Variants in FHOD1 observed in about 807,000 individuals in gnomAD.
FHOD1 encodes the protein FH1/FH2 domain-containing protein 1.
In FHOD1, 89 loss-of-function variants were observed where a neutral mutation model predicts 111.6. The observed-to-expected ratio is 0.80, with a 90% confidence interval of 0.67 to 0.95. FHOD1 has a LOEUF of 0.95. Among genes scored for constraint, FHOD1 ranks in the 40% least tolerant of loss-of-function variants. The probability of loss-of-function intolerance (pLI) is 0.00; values close to 1 mark genes in which losing one functional copy is unlikely to be tolerated. For missense variants in FHOD1, 1,446 were observed against 1,554.2 expected, an observed-to-expected ratio of 0.93 and a Z score of 1.17; for synonymous variants, 618 against 639.0, an observed-to-expected ratio of 0.97 and a Z score of 0.50.
rs768827185 is a variant in FHOD1 at position 67,231,165 on chromosome 16, G to C, written c.2667+23C>G. 1 of 1,613,098 alleles carries C rather than the reference G, an allele frequency of 6.2e-7. No individual in the cohort carries two copies. Among genetic ancestry groups the C allele is most frequent in the Non-Finnish European group, 8.5e-7 (1 of 1,179,348 alleles). ...CGCTCCTCATGCCTTGTCCGGCCTT[G>C]GTTGATTCTGGCAGGTGCTAACCTT... is the stretch of plus-strand genomic sequence containing the variant. On this transcript the variant is annotated intron_variant, in intron 17 of 21. Transcript: ENST00000258201. The surrounding 1 kb of genome is among the most constrained non-coding windows in gnomAD (Gnocchi z 4.3).
chr16:67,237,415 G>A lies in FHOD1; in HGVS notation c.850-33C>T, dbSNP rs768892913. On this transcript the variant is annotated intron_variant, in intron 8 of 21. Coordinates refer to ENST00000258201, the MANE Select transcript of FHOD1 (RefSeq NM_013241.3). The surrounding 1 kb of genome is among the most constrained non-coding windows in gnomAD (Gnocchi z 5.6). ...GCGGGGATAAGAAGGCAAGGCTGAG[G>A]TTGGTGGGGAGGTCAGGAGCCTGAG... 6.2e-7 allele frequency: 1 copy of A among 1,613,662 alleles called. No homozygotes were observed. Among genetic ancestry groups the A allele is most frequent in the Non-Finnish European group, 8.5e-7 (1 of 1,179,542 alleles).
chr16:67,236,308 A>G (rs1054642970), intron 11 of FHOD1: 28 of 1,230,564 alleles, frequency 2.3e-5, no homozygotes, highest in Non-Finnish European at 7.5e-6. Flanking sequence ...GGCGGGAGAC[A>G]TGACAAGAGG....
In FHOD1 at chr16:67,247,280, C is replaced by G. The variant is rs761530842; in HGVS notation, c.131G>C (p.Ser44Thr). 1 of 1,612,696 alleles carries G rather than the reference C, an allele frequency of 6.2e-7. No individual in the cohort carries two copies. The highest frequency in any genetic ancestry group is 8.5e-7 in the Non-Finnish European group (1 of 1,179,602). The change falls in exon 1 of 22, where the codon AGC becomes ACC. Residue 44 changes from serine (S) to threonine (T), a missense_variant. Physicochemically the swap from Ser to Thr is moderately conservative, Grantham distance 58. Coordinates refer to ENST00000258201, the MANE Select transcript of FHOD1 (RefSeq NM_013241.3). ...FPEPRRAPTC[S>T]LDGALPLGAQ... is the part of the protein sequence containing the mutation. ...GCCCAAGGGCAGCGCCCCGTCCAGG[C>G]TGCAGGTGGGGGCCCGGCGCGGCTC...
chr16:67,231,850 C>T lies in FHOD1; in HGVS notation c.2203-31G>A. On this transcript the variant is annotated intron_variant, in intron 14 of 21. Transcript: ENST00000258201. This position sits in a 1 kb window ranked among gnomAD's most constrained non-coding sequence, Gnocchi z 4.3. ...GATGTAGCCAGAGCCTGACATGGCC[C>T]CCTCAATGCAGGCCTGAGGCCTGAG... 1.2e-6 allele frequency: 2 copies of T among 1,605,038 alleles called. No individual in the cohort carries two copies. The highest frequency in any genetic ancestry group is 1.7e-6 in the Non-Finnish European group (2 of 1,174,834).
Position 67,237,963 on chromosome 16 carries a change from C to A in FHOD1, c.642+71G>T. 6.5e-7 allele frequency: 1 copy of A among 1,528,106 alleles called. No homozygotes were observed. The highest frequency in any genetic ancestry group is 1.1e-5 in the South Asian group (1 of 87,956). 94.7% of individuals were successfully genotyped at this position (1,528,106 alleles called of 1,614,324 possible). A position where few individuals can be genotyped will look rare whatever the true frequency, so the allele number is the denominator to read the frequency against. On this transcript the variant is annotated intron_variant, in intron 6 of 21. Transcript: ENST00000258201. The surrounding 1 kb of genome is among the most constrained non-coding windows in gnomAD (Gnocchi z 5.6). ...ACTCACTCCCTTCCAGCTCACTTTG[C>A]AGAACAGGAAACTGAGGCCCAGAGA...
chr16:67,239,019 TC>T lies in FHOD1; in HGVS notation c.309-53del. On this transcript the variant is annotated intron_variant, in intron 2 of 21. Coordinates refer to ENST00000258201, the MANE Select transcript of FHOD1 (RefSeq NM_013241.3). ...CTCCCAGCCTATCCCTCAGCATTCC[TC>T]CCCACAAGCCAAGGGAGCCAAAGAC... 3.2e-6 allele frequency: 5 copies of T among 1,581,794 alleles called. No homozygotes were observed. In the South Asian group the frequency reaches 5.5e-5, roughly 18 times the overall value.
At chr16:67,239,823 G>A (rs1381586116) in intron 1 of FHOD1, among the ~76,000 whole-genome samples, 3 of 152,130 alleles carry the variant, frequency 2.0e-5, no homozygotes, top group Non-Finnish European at 4.4e-5. Context: ...CAGGCACTCC[G>A]TCTGTCTTGC....
chr16:67,236,759 C>T (rs1352087832), intron 10 of FHOD1, 26 bp from the exon 11 acceptor site: 7 of 901,760 alleles, frequency 7.8e-6, no homozygotes, highest in Non-Finnish European at 5.1e-6. Flanking sequence ...GTCAGTGGGG[C>T]GGGGCCTGAG....
chr16:67,232,289 G>T lies in FHOD1; in HGVS notation c.2047-95C>A, dbSNP rs144791161. On this transcript the variant is annotated intron_variant, in intron 13 of 21. Transcript: ENST00000258201. ...TCCCAGCACTTTGGGAGGCCAAGGC[G>T]GGTGGACCACGAGGTCAGGAGATCG... is the stretch of plus-strand genomic sequence containing the variant. The T allele has an allele frequency of 4.1e-3, 5,254 of 1,267,758 alleles. 18 individuals are homozygous for T. The highest frequency in any genetic ancestry group is 5.2e-3 in the Non-Finnish European group (4,691 of 897,504). The allele number at this position is 1,267,758 out of a possible 1,614,324, so 78.5% of individuals were successfully genotyped here. A position where few individuals can be genotyped will look rare whatever the true frequency, so the allele number is the denominator to read the frequency against.
chr16:67,231,139 G>C lies in FHOD1; in HGVS notation c.2667+49C>G, dbSNP rs1567383431. ...GGGGAGGAGCCAGGCCCAGGAAGCA[G>C]CGCTCCTCATGCCTTGTCCGGCCTT... On this transcript the variant is annotated intron_variant, in intron 17 of 21. Coordinates refer to ENST00000258201, the MANE Select transcript of FHOD1 (RefSeq NM_013241.3). The surrounding 1 kb of genome is among the most constrained non-coding windows in gnomAD (Gnocchi z 4.3). 1 of 1,601,954 alleles carries C rather than the reference G, an allele frequency of 6.2e-7. No individual in the cohort carries two copies. The highest frequency in any genetic ancestry group is 2.2e-5 in the East Asian group (1 of 44,764).
Position 67,234,219 on chromosome 16 carries a change from G to T in FHOD1, c.1484C>A (p.Thr495Lys). ...DSPETAPAAR[T>K]PQSPAPCVLL... ...GACACAGGGGGCAGGGCTCTGGGGT[G>T]TTCTGGCTGCAGGGGCTGTCTCTGG... Residue 495 changes from threonine to lysine, a missense_variant, in exon 13 of 22, where the codon ACA (threonine) becomes AAA (lysine). Physicochemically the swap from Thr to Lys is moderately conservative, Grantham distance 78. Around this residue, in one of 3 missense-constraint regions of FHOD1, gnomAD observed 1,085 missense variants for 1,108.8 expected, o/e 0.98. Coordinates refer to ENST00000258201, the MANE Select transcript of FHOD1 (RefSeq NM_013241.3). The T allele has an allele frequency of 6.5e-7, 1 of 1,547,520 alleles. No individual in the cohort carries two copies. Among genetic ancestry groups the T allele is most frequent in the Non-Finnish European group, 8.7e-7 (1 of 1,144,562 alleles).
intron 17 of FHOD1, 131 bp from the exon 18 acceptor site, chr16:67,230,922 TG>T (rs1257699179): frequency 2.0e-6 from 2 of 1,023,570 alleles, no homozygotes; most frequent in African/African-American, 3.2e-5. Context: ...CATAGACTAG[TG>T]CAAGAGACAC....
At chr16:67,242,264 C>T (rs566337479) in intron 1 of FHOD1, among the ~76,000 whole-genome samples, 3 of 152,306 alleles carry the variant, frequency 2.0e-5, no homozygotes, top group African/African-American at 2.4e-5. Flanking sequence ...CCACTGTGCC[C>T]GGCCAATGGT....
intron 1 of FHOD1, among the ~76,000 whole-genome samples, chr16:67,246,133 G>A (rs1303393914): frequency 6.6e-6 from 1 of 152,256 alleles, no homozygotes; most frequent in Admixed American, 6.5e-5. Context: ...CCAGCGCTCA[G>A]AGGCGGGGCT....
At chr16:67,241,703 C>T (rs1196959825) in intron 1 of FHOD1, among the ~76,000 whole-genome samples, 1 of 152,182 alleles carries the variant, frequency 6.6e-6, no homozygotes, top group East Asian at 1.9e-4. Flanking sequence ...ACAACTTTCA[C>T]AGTGCTAAGA....
intron 1 of FHOD1, 132 bp downstream of exon 1, chr16:67,247,077 TG>T: frequency 9.3e-7 from 1 of 1,079,988 alleles, no homozygotes; most frequent in Non-Finnish European, 1.3e-6. Context: ...GAGTGGACCC[TG>T]GGACCCCAGC....
At chr16:67,236,283 G>C in intron 11 of FHOD1, 1 of 970,118 alleles carries the variant, frequency 1.0e-6, no homozygotes, top group Non-Finnish European at 1.4e-6. Flanking sequence ...CAGAACAAGG[G>C]AGTGACAGAT....
chr16:67,235,265 C>T (rs1256269396), intron 11 of FHOD1, among the ~76,000 whole-genome samples: 1 of 152,142 alleles, frequency 6.6e-6, no homozygotes, highest in Non-Finnish European at 1.5e-5. Context: ...TGCGGTGGCT[C>T]ACGCTTGTAA....
chr16:67,232,444 G>A (rs1038501477), intron 13 of FHOD1, among the ~76,000 whole-genome samples: 17 of 151,192 alleles, frequency 1.1e-4, no homozygotes, highest in Admixed American at 7.3e-4. Context: ...GCGTGAACCC[G>A]GGAGGCGGAG....
Sources: gnomAD v4.1 joint callset for allele counts (sites outside exome capture counted in the v4.1 genomes callset) on GRCh38, gnomAD v4.1.1 for gene constraint, gnomAD v4.1.1 regional missense constraint, Gnocchi (gnomAD v3.1) non-coding constraint, MANE v1.5 for transcripts, NCBI Gene and HGNC (gene_info 2026-07-23, HGNC 2026-07-21) for gene names.